C2CD4A: variants seen among roughly 807,000 people sequenced by gnomAD.
C2CD4A encodes C2 calcium dependent domain containing 4A, also known as C2 calcium-dependent domain-containing protein 4A.
Under a neutral mutation model 0.4 loss-of-function variants are expected in C2CD4A, and 2 were observed. The ratio of observed to expected loss-of-function variants is 4.45; its 90% CI spans 1.82 to 13.99. The LOEUF is 13.99. Among genes scored for constraint, C2CD4A ranks in the 30% most tolerant of loss-of-function variants. C2CD4A has a pLI of 0.04. For missense variants in C2CD4A, 610 were observed against 574.2 expected (o/e 1.06, Z -0.64); for synonymous variants, 297 against 280.8 (o/e 1.06, Z -0.58).
rs1427232306 is a variant in C2CD4A, at chr15:62,068,090, C to T, written c.477C>T (p.Pro159=). The T allele has an allele frequency of 2.4e-5, 27 of 1,131,724 alleles. No homozygotes were observed. The African/African-American group carries it at 4.3e-4, about 18-fold the overall frequency. The allele number at this position is 1,131,724 out of a possible 1,614,324, so 70.1% of individuals were successfully genotyped here. A position where few individuals can be genotyped will look rare whatever the true frequency, so the allele number is the denominator to read the frequency against. Residue 159 remains proline (P), a synonymous_variant, in exon 2 of 2, where the codon CCC becomes CCT. Coordinates refer to ENST00000355522, the MANE Select transcript of C2CD4A (RefSeq NM_207322.3). ...RVPRAPGPAT[P]AAPGCPRPPQ... is the part of the protein sequence containing the mutation. ...CGCGAGCTCCGGGCCCGGCGACCCC[C>T]GCGGCCCCCGGCTGTCCCCGCCCGC...
In C2CD4A at chr15:62,068,296, C is replaced by T. The variant is rs1422055409; in HGVS notation, c.683C>T (p.Ser228Phe). The T allele has an allele frequency of 4.9e-6, 7 of 1,416,542 alleles. No homozygotes were observed. The South Asian group carries it at 7.2e-5, about 14-fold the overall frequency. The allele number at this position is 1,416,542 out of a possible 1,614,324, so 87.7% of individuals were successfully genotyped here. A position where few individuals can be genotyped will look rare whatever the true frequency, so the allele number is the denominator to read the frequency against. The change falls in exon 2 of 2, where the codon TCC becomes TTC. Residue 228 changes from serine (S) to phenylalanine (F), a missense_variant. Coordinates refer to ENST00000355522, the MANE Select transcript of C2CD4A (RefSeq NM_207322.3). Reference protein sequence around the residue: ...AGSQSPARAPSTSPPSSRVPF... With the variant: ...AGSQSPARAPFTSPPSSRVPF... The stretch of plus-strand genomic sequence containing the variant: ...TCCCAGTCCCCGGCCCGGGCCCCCT[C>T]CACGAGCCCGCCGTCGTCCCGGGTC...
chr15:62,067,656 C>G lies in C2CD4A; in HGVS notation c.43C>G (p.Arg15Gly). 6.2e-7 allele frequency: 1 copy of G among 1,605,574 alleles called. No individual in the cohort carries two copies. Among genetic ancestry groups the G allele is most frequent in the East Asian group, 2.2e-5 (1 of 44,834 alleles). Residue 15 changes from arginine (R) to glycine (G), a missense_variant, in exon 2 of 2, where the codon CGG (arginine) becomes GGG (glycine). Arg to Gly is a moderately radical substitution (Grantham distance 125). Transcript: ENST00000355522. The stretch of plus-strand genomic sequence containing the variant: ...ACTCCGCTTGGGTCCTGAGTGCCTT[C>G]GGCGGAGCGGAGACTGGCTTCTCCC... ...ERLRLGPECLRRSGDWLLPGR... is the reference protein window; with the variant it reads ...ERLRLGPECLGRSGDWLLPGR...
rs186990460 is a variant in C2CD4A, at chr15:62,070,179, T to A, written c.*1456T>A. ...CAGCAGGGCATTTTTTTCTTTTTTT[T>A]ATGCAAATAGGAAAATGCATCCTAA... On this transcript the variant is annotated 3_prime_UTR_variant, in exon 2 of 2. Transcript: ENST00000355522. The A allele has an allele frequency of 1.5e-5, 6 of 410,890 alleles. No individual in the cohort carries two copies. The highest frequency in any genetic ancestry group is 2.7e-5 in the Non-Finnish European group (6 of 225,258). The allele number at this position is 410,890 out of a possible 1,614,324, so 25.5% of individuals were successfully genotyped here. A position where few individuals can be genotyped will look rare whatever the true frequency, so the allele number is the denominator to read the frequency against.
rs913344063 is a variant in C2CD4A, at chr15:62,068,852, T to C, written c.*129T>C. On this transcript the variant is annotated 3_prime_UTR_variant, in exon 2 of 2. Transcript: ENST00000355522. Reference sequence around the variant, plus strand: ...AGTACAACACTGGCAGAGATGATTCTAGATTAACTATCCCAGTAAAAGATA... The same window carrying C: ...AGTACAACACTGGCAGAGATGATTCCAGATTAACTATCCCAGTAAAAGATA... The C allele has an allele frequency of 1.3e-5, 16 of 1,221,066 alleles. No homozygotes were observed. Among genetic ancestry groups the C allele is most frequent in the African/African-American group, 1.3e-4 (8 of 63,048 alleles). The allele number at this position is 1,221,066 out of a possible 1,614,324, so 75.6% of individuals were successfully genotyped here.
In C2CD4A at chr15:62,067,895, G is replaced by C. The variant is rs572394082; in HGVS notation, c.282G>C (p.Pro94=). Residue 94 remains proline, a synonymous_variant, in exon 2 of 2, where the codon CCG becomes CCC. Coordinates refer to ENST00000355522, the MANE Select transcript of C2CD4A (RefSeq NM_207322.3). ...DPRSQAALSL[P]HLPRVRTAYG... ...GCTCGCAGGCCGCGCTGTCACTGCCGCACCTGCCCCGTGTGCGCACCGCCT... is the reference window on the plus strand; with the variant it reads ...GCTCGCAGGCCGCGCTGTCACTGCCCCACCTGCCCCGTGTGCGCACCGCCT... 1.2e-4 allele frequency: 185 copies of C among 1,599,452 alleles called. 1 individual carries two copies. The African/African-American group carries it at 1.6e-3, about 14-fold the overall frequency.
Position 62,068,563 on chromosome 15 carries a change from A to AG in C2CD4A, c.952dup (p.Ala318GlyfsTer4), listed in dbSNP as rs1483896496. ...AGCACTGTGGTGGGGCGCAGCCGCA[A>AG]GGCCTCCTTTGACCAGGACTTCTGC... is the stretch of plus-strand genomic sequence containing the variant. On this transcript the variant is annotated frameshift_variant, in exon 2 of 2. Transcript: ENST00000355522. LOFTEE classifies it low-confidence loss of function (END_TRUNC). 6.4e-7 allele frequency: 1 copy of AG among 1,570,778 alleles called. No homozygotes were observed. The highest frequency in any genetic ancestry group is 1.4e-5 in the African/African-American group (1 of 74,016).
At position 62,067,919 on chromosome 15, in the gene C2CD4A, C is replaced by T. The variant is rs746617877; in HGVS notation, c.306C>T (p.Ala102=). The change falls in exon 2 of 2, where the codon GCC becomes GCT. Residue 102 remains alanine, a synonymous_variant. Transcript: ENST00000355522. ...CGCACCTGCCCCGTGTGCGCACCGC[C>T]TACGGCTTCTGCGCGCTGCTCGAGA... The part of the protein sequence containing the change: ...SLPHLPRVRT[A]YGFCALLESP... 2 of 1,587,884 alleles carry T rather than the reference C, an allele frequency of 1.3e-6. No individual in the cohort carries two copies. Among genetic ancestry groups the T allele is most frequent in the Non-Finnish European group, 1.7e-6 (2 of 1,173,264 alleles).
In C2CD4A at chr15:62,070,558, T is replaced by C. The variant is rs887970037; in HGVS notation, c.*1835T>C. 33 of 413,398 alleles carry C rather than the reference T, an allele frequency of 8.0e-5. No homozygotes were observed. The highest frequency in any genetic ancestry group is 6.4e-4 in the African/African-American group (31 of 48,654). 25.6% of individuals were successfully genotyped at this position (413,398 alleles called of 1,614,324 possible). A position where few individuals can be genotyped will look rare whatever the true frequency, so the allele number is the denominator to read the frequency against. On this transcript the variant is annotated 3_prime_UTR_variant, in exon 2 of 2. Transcript: ENST00000355522. ...GAAAAGAGTTTGATAAAATAAATAT[T>C]ATACAAAATTCGAAGAAAAAAGAAA...
rs963108289 is a variant in C2CD4A at position 62,067,026 on chromosome 15, C to G, written c.-92C>G. The stretch of plus-strand genomic sequence containing the variant: ...CGCTTTGAATTTCCCAGCCGCTAAG[C>G]GCCTCTCCTGGTCGGTGTCCCAGGC... On this transcript the variant is annotated 5_prime_UTR_variant, in exon 1 of 2. Transcript: ENST00000355522. 1 of 152,356 alleles carries G rather than the reference C, an allele frequency of 6.6e-6. No homozygotes were observed. The highest frequency in any genetic ancestry group is 6.5e-5 in the Admixed American group (1 of 15,282). 9.4% of individuals were successfully genotyped at this position (152,356 alleles called of 1,614,324 possible).
In C2CD4A at chr15:62,068,396, C is replaced by A; in HGVS notation, c.783C>A (p.Ala261=). ...CCGGCGACGCCCTGCGCCTGGCCGC[C>A]GAGTACTGTCCGGGAACCGGGCGGC... ...GRAGDALRLA[A]EYCPGTGRLR... The change falls in exon 2 of 2, where the codon GCC becomes GCA. Residue 261 remains alanine (A), a synonymous_variant. Transcript: ENST00000355522. The A allele has an allele frequency of 7.2e-7, 1 of 1,395,492 alleles. No homozygotes were observed. The allele number at this position is 1,395,492 out of a possible 1,614,324, so 86.4% of individuals were successfully genotyped here. A position where few individuals can be genotyped will look rare whatever the true frequency, so the allele number is the denominator to read the frequency against.
In C2CD4A at chr15:62,068,933, A is replaced by C. The variant is rs962310582; in HGVS notation, c.*210A>C. On this transcript the variant is annotated 3_prime_UTR_variant, in exon 2 of 2. Transcript: ENST00000355522. The stretch of plus-strand genomic sequence containing the variant: ...TTTTCAGCAAATGGAATGGTTCTAC[A>C]GTGTTTCCCAATATAGACAGCCATT... 3 of 608,506 alleles carry C rather than the reference A, an allele frequency of 4.9e-6. No homozygotes were observed. The African/African-American group carries it at 5.8e-5, about 12-fold the overall frequency. 37.7% of individuals were successfully genotyped at this position (608,506 alleles called of 1,614,324 possible).
rs1168501676 is a variant in C2CD4A at position 62,068,522 on chromosome 15, C to T, written c.909C>T (p.Thr303=). 62 of 1,523,354 alleles carry T rather than the reference C, an allele frequency of 4.1e-5. No individual in the cohort carries two copies. Among genetic ancestry groups the T allele is most frequent in the Non-Finnish European group, 5.4e-5 (61 of 1,136,846 alleles). 94.4% of individuals were successfully genotyped at this position (1,523,354 alleles called of 1,614,324 possible). A position where few individuals can be genotyped will look rare whatever the true frequency, so the allele number is the denominator to read the frequency against. Residue 303 remains threonine (T), a synonymous_variant, in exon 2 of 2, where the codon ACC becomes ACT. Transcript: ENST00000355522. ...RLSLVLRPPG[T]ALRQCSTVVG... is the part of the protein sequence containing the mutation. ...GCCTCGTCCTGCGGCCGCCGGGCAC[C>T]GCGCTTCGGCAATGCAGCACTGTGG...
In C2CD4A at chr15:62,068,331, G is replaced by A. The variant is rs2049060926; in HGVS notation, c.718G>A (p.Glu240Lys). The A allele has an allele frequency of 1.4e-6, 2 of 1,414,310 alleles. No individual in the cohort carries two copies. Among genetic ancestry groups the A allele is most frequent in the South Asian group, 1.4e-5 (1 of 69,264 alleles). The allele number at this position is 1,414,310 out of a possible 1,614,324, so 87.6% of individuals were successfully genotyped here. ...GCCGTCGTCCCGGGTCCCGTTTCCC[G>A]AGCGCCTGGAGGCCGAGGGCACCGT... is the stretch of plus-strand genomic sequence containing the variant. ...SPPSSRVPFP[E>K]RLEAEGTVAL... The change falls in exon 2 of 2, where the codon GAG (glutamate) becomes AAG (lysine). Residue 240 changes from glutamate to lysine, a missense_variant. Physicochemically the swap from Glu to Lys is moderately conservative, Grantham distance 56. Coordinates refer to ENST00000355522, the MANE Select transcript of C2CD4A (RefSeq NM_207322.3).
chr15:62,068,162 C>T lies in C2CD4A; in HGVS notation c.549C>T (p.Arg183=). Reference sequence around the variant, plus strand: ...GGCCCCGCGGCTGCCGCCTCCTGCGCGTCCCCGACGGGCTGCTGAGTCGCG... The same window carrying T: ...GGCCCCGCGGCTGCCGCCTCCTGCGTGTCCCCGACGGGCTGCTGAGTCGCG... ...ARRPRGCRLL[R]VPDGLLSRAL... Residue 183 remains arginine, a synonymous_variant, in exon 2 of 2, where the codon CGC becomes CGT. Coordinates refer to ENST00000355522, the MANE Select transcript of C2CD4A (RefSeq NM_207322.3). The T allele has an allele frequency of 8.1e-7, 1 of 1,232,336 alleles. No individual in the cohort carries two copies. Among genetic ancestry groups the T allele is most frequent in the South Asian group, 3.4e-5 (1 of 29,314 alleles). 76.3% of individuals were successfully genotyped at this position (1,232,336 alleles called of 1,614,324 possible).
chr15:62,070,781 T>A lies in C2CD4A; in HGVS notation c.*2058T>A, dbSNP rs532186629. 4 of 340,206 alleles carry A rather than the reference T, an allele frequency of 1.2e-5. No homozygotes were observed. In the Admixed American group the frequency reaches 1.5e-4, roughly 13 times the overall value. The allele number at this position is 340,206 out of a possible 1,614,324, so 21.1% of individuals were successfully genotyped here. A position where few individuals can be genotyped will look rare whatever the true frequency, so the allele number is the denominator to read the frequency against. On this transcript the variant is annotated 3_prime_UTR_variant, in exon 2 of 2. Coordinates refer to ENST00000355522, the MANE Select transcript of C2CD4A (RefSeq NM_207322.3). ...TGTGCTCTTCTATCTAATCAGTCAA[T>A]ATTTCCTTGGCCCTCAAGCCAACAT... is the stretch of plus-strand genomic sequence containing the variant.
At position 62,069,485 on chromosome 15, in the gene C2CD4A, G is replaced by C. The variant is rs1415857354; in HGVS notation, c.*762G>C. ...GTAGTTCCAGCTACTCTGGGGCTGA[G>C]GCGCAAGGATCACTTGAGCCTGGGA... is the stretch of plus-strand genomic sequence containing the variant. On this transcript the variant is annotated 3_prime_UTR_variant, in exon 2 of 2. Transcript: ENST00000355522. 1.3e-5 allele frequency: 2 copies of C among 153,824 alleles called. No homozygotes were observed. Among genetic ancestry groups the C allele is most frequent in the African/African-American group, 4.8e-5 (2 of 41,456 alleles). The allele number at this position is 153,824 out of a possible 1,614,324, so 9.5% of individuals were successfully genotyped here.
Position 62,068,100 on chromosome 15 carries a change from G to C in C2CD4A, c.487G>C (p.Gly163Arg), listed in dbSNP as rs1023660686. 8.7e-7 allele frequency: 1 copy of C among 1,143,744 alleles called. No homozygotes were observed. The highest frequency in any genetic ancestry group is 1.1e-6 in the Non-Finnish European group (1 of 934,148). 70.8% of individuals were successfully genotyped at this position (1,143,744 alleles called of 1,614,324 possible). The change falls in exon 2 of 2, where the codon GGC becomes CGC. Residue 163 changes from glycine (G) to arginine (R), a missense_variant. Gly to Arg is a moderately radical substitution (Grantham distance 125). Transcript: ENST00000355522. ...GGGCCCGGCGACCCCCGCGGCCCCC[G>C]GCTGTCCCCGCCCGCCCCAGGACGC... ...APGPATPAAPGCPRPPQDALA... is the reference protein window; with the variant it reads ...APGPATPAAPRCPRPPQDALA...
At position 62,068,838 on chromosome 15, in the gene C2CD4A, G is replaced by A; in HGVS notation, c.*115G>A. The A allele has an allele frequency of 7.8e-7, 1 of 1,287,546 alleles. No homozygotes were observed. The highest frequency in any genetic ancestry group is 3.2e-5 in the Admixed American group (1 of 30,792). 79.8% of individuals were successfully genotyped at this position (1,287,546 alleles called of 1,614,324 possible). ...ATCAGTCCCGTTTCAGTACAACACT[G>A]GCAGAGATGATTCTAGATTAACTAT... On this transcript the variant is annotated 3_prime_UTR_variant, in exon 2 of 2. Transcript: ENST00000355522.
Position 62,068,235 on chromosome 15 carries a change from TC to T in C2CD4A, c.624del (p.Ser209AlafsTer178). 2 of 1,376,346 alleles carry T rather than the reference TC, an allele frequency of 1.5e-6. No homozygotes were observed. Among genetic ancestry groups the T allele is most frequent in the Non-Finnish European group, 9.4e-7 (1 of 1,063,742 alleles). 85.3% of individuals were successfully genotyped at this position (1,376,346 alleles called of 1,614,324 possible). A position where few individuals can be genotyped will look rare whatever the true frequency, so the allele number is the denominator to read the frequency against. On this transcript the variant is annotated frameshift_variant, in exon 2 of 2. Coordinates refer to ENST00000355522, the MANE Select transcript of C2CD4A (RefSeq NM_207322.3). ...CCGCCTGACCCGCGTCCGCTCCGTCTCCAGCGGGAACGAGGACAAGGAGCGC... is the reference window on the plus strand; with the variant it reads ...CCGCCTGACCCGCGTCCGCTCCGTCTCAGCGGGAACGAGGACAAGGAGCGC... ...SRRLTRVRSV[S>X]SGNEDKERRA...
Sources: allele counts gnomAD v4.1 joint callset, GRCh38; gene constraint gnomAD v4.1.1; transcripts MANE v1.5; gene names NCBI Gene and HGNC (gene_info 2026-07-23, HGNC 2026-07-21).